The following PCDH7 variants were observed in gnomAD, a reference collection of about 807,000 sequenced individuals.
PCDH7 encodes protocadherin 7, also known as protocadherin-7.
In PCDH7, 17 loss-of-function variants were observed where a neutral mutation model predicts 58.9. The ratio of observed to expected loss-of-function variants is 0.29; its 90% confidence interval spans 0.20 to 0.43. The LOEUF (loss-of-function observed/expected upper bound fraction) is 0.43, where lower values mean the gene tolerates loss of function less well. PCDH7 is among the 20% of genes least tolerant of loss of function. The probability of loss-of-function intolerance (pLI) is 1.00; values close to 1 mark genes in which losing one functional copy is unlikely to be tolerated. For synonymous variants in PCDH7, 664 were observed against 616.4 expected (o/e 1.08, Z -1.14); for missense variants, 1,274 against 1,441.0 (o/e 0.88, Z 1.88).
rs139318270 is a variant in PCDH7, at chr4:30,792,290, C to T, written c.70+67694C>T. ...TAATAATCGTGACTGGAAAATGTTG[C>T]TCTCAGAAATGGCCCTCTGGTCTTG... On this transcript the variant is annotated intron_variant, in intron 1 of 3. Transcript: ENST00000509759. 8.9e-4 allele frequency among the ~76,000 whole-genome samples: 135 copies of T among 152,234 alleles called. 1 individual carries two copies. The East Asian group carries it at 0.024, about 28-fold the overall frequency.
intron 1 of PCDH7, among the ~76,000 whole-genome samples, chr4:30,803,847 GA>G: frequency 6.6e-6 from 1 of 152,290 alleles, no homozygotes; most frequent in South Asian, 2.1e-4. Context: ...TAAAGCAGTG[GA>G]ACAATGTCCT....
downstream of PCDH7, among the ~76,000 whole-genome samples, chr4:30,736,715 T>G (rs995741449): frequency 6.6e-6 from 1 of 151,836 alleles, no homozygotes. Flanking sequence ...TTTTTGAGTT[T>G]TTAGTAGAGA....
chr4:31,039,284 C>T (rs1301167858), intron 3 of PCDH7, among the ~76,000 whole-genome samples: 2 of 152,218 alleles, frequency 1.3e-5, no homozygotes, highest in Non-Finnish European at 2.9e-5. Context: ...ATTAGAGCTG[C>T]TCTAAAGGCT....
At chr4:30,743,680 A>G (rs189451266) in intron 1 of PCDH7, among the ~76,000 whole-genome samples, 3 of 152,092 alleles carry the variant, frequency 2.0e-5, no homozygotes, top group African/African-American at 4.8e-5. Flanking sequence ...AAAACATAGC[A>G]TTCTCTGCTC....
Position 31,126,918 on chromosome 4 carries a change from C to A in PCDH7, c.*8-15555C>A, listed in dbSNP as rs528093243. Among the ~76,000 whole-genome samples, 5 of 152,254 alleles carry A rather than the reference C, an allele frequency of 3.3e-5. No individual in the cohort carries two copies. In the East Asian group the frequency reaches 7.7e-4, roughly 24 times the overall value. ...ACACTGGCCAATACACAAAGACTTG[C>A]AGAAATTAATTCCCTGCAGCCAGTC... On this transcript the variant is annotated intron_variant, in intron 3 of 3. Coordinates refer to the PCDH7 transcript ENST00000509759.
At position 30,807,063 on chromosome 4, in the gene PCDH7, C is replaced by T. The variant is rs564461051; in HGVS notation, c.70+82467C>T. On this transcript the variant is annotated intron_variant, in intron 1 of 3. Coordinates refer to the PCDH7 transcript ENST00000509759. ...CTTTTCATATTTGCAAATGTTGACA[C>T]GCATAAAATAGTAGTTGTTTTGGAT... 1.3e-3 allele frequency among the ~76,000 whole-genome samples: 197 copies of T among 152,234 alleles called. No individual in the cohort carries two copies. In the Middle Eastern group the frequency reaches 0.014, roughly 11 times the overall value.
intron 1 of PCDH7, among the ~76,000 whole-genome samples, chr4:30,823,852 T>C (rs1728680505): frequency 6.6e-6 from 1 of 152,230 alleles, no homozygotes; most frequent in African/African-American, 2.4e-5. Flanking sequence ...GAATTTCCAA[T>C]TTCTCTAATT....
chr4:30,972,069 T>A (rs1446610673), intron 3 of PCDH7, among the ~76,000 whole-genome samples: 1 of 152,222 alleles, frequency 6.6e-6, no homozygotes, highest in African/African-American at 2.4e-5. Flanking sequence ...AGGGAGCACC[T>A]AAGAAGCCTC....
intron 3 of PCDH7, among the ~76,000 whole-genome samples, chr4:31,116,391 A>G (rs1716988544): frequency 6.6e-6 from 1 of 152,224 alleles, no homozygotes; most frequent in African/African-American, 2.4e-5. Flanking sequence ...GAAATGTGTA[A>G]CATAACACTA....
intron 3 of PCDH7, among the ~76,000 whole-genome samples, chr4:30,987,283 C>T (rs550045231): frequency 5.9e-5 from 9 of 152,108 alleles, no homozygotes; most frequent in African/African-American, 2.2e-4. Flanking sequence ...AAGTAATAAT[C>T]CATATCTATT....
intron 1 of PCDH7, among the ~76,000 whole-genome samples, chr4:30,808,215 T>C (rs894571348): frequency 3.6e-4 from 55 of 152,318 alleles, no homozygotes; most frequent in African/African-American, 1.3e-3. Flanking sequence ...AGTCGATAAA[T>C]TTCAAGTATG....
intron 1 of PCDH7, among the ~76,000 whole-genome samples, chr4:30,727,635 C>A (rs1350552962): frequency 1.3e-5 from 2 of 151,910 alleles, no homozygotes; most frequent in African/African-American, 2.4e-5. Flanking sequence ...TAAGTATCCA[C>A]CTTTCTGTTT....
At chr4:30,911,371 T>C (rs1005581650) in intron 1 of PCDH7, among the ~76,000 whole-genome samples, 2 of 147,342 alleles carry the variant, frequency 1.4e-5, no homozygotes, top group African/African-American at 4.9e-5. Flanking sequence ...GTCCATTTAT[T>C]TACAGATGTT....
At chr4:31,131,163 A>C (rs61794144) in intron 3 of PCDH7, among the ~76,000 whole-genome samples, 4,562 of 152,178 alleles carry the variant, frequency 0.03, 180 homozygotes, top group East Asian at 0.19. Context: ...GCATGAGGGG[A>C]TCTCCAGAGC....
At chr4:30,935,276 T>C in intron 2 of PCDH7, 1 of 854,452 alleles carries the variant, frequency 1.2e-6, no homozygotes, top group Non-Finnish European at 1.4e-6. Context: ...ATGTTCATAA[T>C]ATTTATTAAA....
intron 1 of PCDH7, among the ~76,000 whole-genome samples, chr4:30,804,598 G>A (rs1725951778): frequency 6.6e-6 from 1 of 151,670 alleles, no homozygotes; most frequent in African/African-American, 2.4e-5. Context: ...GTTTTATTCT[G>A]CCATGTGAGG....
At chr4:30,785,379 A>T (rs1310581257) in intron 1 of PCDH7, among the ~76,000 whole-genome samples, 1 of 152,036 alleles carries the variant, frequency 6.6e-6, no homozygotes, top group African/African-American at 2.4e-5. Context: ...TTACAATTTA[A>T]ATCATAAAGA....
chr4:30,800,883 G>C (rs1474609262), intron 1 of PCDH7, among the ~76,000 whole-genome samples: 1 of 152,198 alleles, frequency 6.6e-6, no homozygotes, highest in Non-Finnish European at 1.5e-5. Context: ...CTAGGAGTTT[G>C]TATTTATCCT....
chr4:31,014,697 T>C (rs9997281), intron 3 of PCDH7, among the ~76,000 whole-genome samples: 12,773 of 152,266 alleles, frequency 0.084, 977 homozygotes, highest in African/African-American at 0.2. Context: ...ACTTGAGATA[T>C]GTAATGTATT....
Sources: allele counts gnomAD v4.1 joint callset (sites outside exome capture counted in the v4.1 genomes callset), GRCh38; gene constraint gnomAD v4.1.1; transcripts MANE v1.5; gene names NCBI Gene and HGNC (gene_info 2026-07-23, HGNC 2026-07-21).